KDM4C: variants seen among roughly 807,000 people sequenced by gnomAD.
KDM4C encodes lysine demethylase 4C.
In KDM4C, 81 loss-of-function variants were observed where a neutral mutation model predicts 129.3. The ratio of observed to expected loss-of-function variants is 0.63; its 90% CI spans 0.52 to 0.75. The LOEUF (loss-of-function observed/expected upper bound fraction) is 0.75, where lower values mean the gene tolerates loss of function less well. Ranked by LOEUF, KDM4C falls within the 30% of genes least tolerant of loss-of-function variation. The probability of loss-of-function intolerance (pLI) is 0.00; values close to 1 mark genes in which losing one functional copy is unlikely to be tolerated. For synonymous variants in KDM4C, 573 were observed against 456.1 expected, an observed-to-expected ratio of 1.26 and a Z score of -3.26; for missense variants, 1,457 against 1,304.0, an observed-to-expected ratio of 1.12 and a Z score of -1.81.
chr9:6,865,988 T>C (rs1040991857), intron 5 of KDM4C, among the ~76,000 whole-genome samples: 9 of 151,928 alleles, frequency 5.9e-5, no homozygotes, highest in Admixed American at 2.0e-4. Flanking sequence ...CTCCTGACCT[T>C]GTGATCCGCC....
At chr9:6,981,148 T>C in intron 9 of KDM4C, 30 bp downstream of exon 9, 1 of 1,552,776 alleles carries the variant, frequency 6.4e-7, no homozygotes, top group Non-Finnish European at 8.7e-7. Context: ...CTGACCTGCC[T>C]TGCCTGTCGT....
chr9:6,904,113 C>T (rs1817877314), intron 8 of KDM4C, among the ~76,000 whole-genome samples: 1 of 151,982 alleles, frequency 6.6e-6, no homozygotes, highest in African/African-American at 2.4e-5. Context: ...GTGGTGGGTA[C>T]ATGTAATCCC....
At chr9:6,785,795 G>T (rs1029035932) in intron 1 of KDM4C, among the ~76,000 whole-genome samples, 3 of 152,196 alleles carry the variant, frequency 2.0e-5, no homozygotes, top group Non-Finnish European at 4.4e-5. Flanking sequence ...CTTTTGGGGG[G>T]ACACAAGTCA....
At chr9:6,804,555 C>T (rs189502197) in intron 2 of KDM4C, among the ~76,000 whole-genome samples, 1 of 151,932 alleles carries the variant, frequency 6.6e-6, no homozygotes, top group East Asian at 1.9e-4. Context: ...GTCAGGAGTT[C>T]AAGACCATCC....
At chr9:7,032,033 C>T (rs1358338101) in intron 15 of KDM4C, among the ~76,000 whole-genome samples, 2 of 152,192 alleles carry the variant, frequency 1.3e-5, no homozygotes, top group South Asian at 2.1e-4. Context: ...CAATTCATGT[C>T]TTAGAAAACT....
chr9:6,872,377 T>C (rs945945716), intron 5 of KDM4C, among the ~76,000 whole-genome samples: 5 of 152,204 alleles, frequency 3.3e-5, no homozygotes, highest in Non-Finnish European at 7.3e-5. Flanking sequence ...TGTAAATGTC[T>C]ATTAGGTCCA....
chr9:6,949,735 A>G (rs138361038), intron 8 of KDM4C, among the ~76,000 whole-genome samples: 30 of 152,206 alleles, frequency 2.0e-4, no homozygotes, highest in African/African-American at 5.3e-4. Flanking sequence ...GCAGGCACTC[A>G]GCAGGCTGAG....
At chr9:6,741,469 G>C (rs190673876) in intron 1 of KDM4C, among the ~76,000 whole-genome samples, 1 of 151,934 alleles carries the variant, frequency 6.6e-6, no homozygotes, top group Non-Finnish European at 1.5e-5. Context: ...CTATTTACTC[G>C]GGTATTTAGC....
intron 1 of KDM4C, among the ~76,000 whole-genome samples, chr9:6,787,475 T>C (rs1416556031): frequency 6.6e-6 from 1 of 152,250 alleles, no homozygotes; most frequent in Non-Finnish European, 1.5e-5. Flanking sequence ...TCAGGTCATC[T>C]GCCTGCCTAG....
In KDM4C at chr9:6,868,514, GAT is replaced by G. The variant is rs1457387585; in HGVS notation, c.630-11494_630-11493del. 4.6e-5 allele frequency among the ~76,000 whole-genome samples: 7 copies of G among 152,238 alleles called. No homozygotes were observed. The East Asian group carries it at 1.4e-3, about 29-fold the overall frequency. On this transcript the variant is annotated intron_variant, in intron 5 of 21. Coordinates refer to ENST00000381309, the MANE Select transcript of KDM4C (RefSeq NM_015061.6). Reference sequence around the variant, plus strand: ...AAAACCTGTGGCTGCTCACGTCCCTGATATAAAGTGCGTGGTAGTTACCCATG... The same window carrying G: ...AAAACCTGTGGCTGCTCACGTCCCTGATAAAGTGCGTGGTAGTTACCCATG...
intron 19 of KDM4C, among the ~76,000 whole-genome samples, chr9:7,164,136 C>T (rs532530902): frequency 2.1e-4 from 32 of 152,322 alleles, no homozygotes; most frequent in Non-Finnish European, 3.2e-4. Flanking sequence ...GTGTGCATTT[C>T]ATTCAGATTG....
intron 8 of KDM4C, among the ~76,000 whole-genome samples, chr9:6,910,533 C>A (rs1272742860): frequency 2.6e-5 from 4 of 152,170 alleles, no homozygotes; most frequent in African/African-American, 9.6e-5. Context: ...TAAATATAAT[C>A]TCATTAGTAG....
intron 8 of KDM4C, among the ~76,000 whole-genome samples, chr9:6,927,744 C>T (rs140373248): frequency 2.0e-5 from 3 of 152,170 alleles, no homozygotes; most frequent in African/African-American, 7.2e-5. Context: ...TCAGTTCCCA[C>T]CCTGTTAGCC....
In KDM4C at chr9:6,887,985, G is replaced by C. The variant is rs1845546011; in HGVS notation, c.705G>C (p.Gly235=). The C allele has an allele frequency of 6.2e-7, 1 of 1,611,100 alleles. No individual in the cohort carries two copies. Among genetic ancestry groups the C allele is most frequent in the South Asian group, 1.1e-5 (1 of 90,990 alleles). Residue 235 remains glycine, a synonymous_variant, in exon 7 of 22, where the codon GGG becomes GGC. Coordinates refer to ENST00000381309, the MANE Select transcript of KDM4C (RefSeq NM_015061.6). The stretch of plus-strand genomic sequence containing the variant: ...GTTTTTTCCCAAGCAGCTCCCAAGG[G>C]TGTGATGCATTTCTTCGCCACAAGA... ...AQGFFPSSSQ[G]CDAFLRHKMT...
At chr9:6,823,533 A>G (rs1207865446) in intron 4 of KDM4C, among the ~76,000 whole-genome samples, 39 of 152,102 alleles carry the variant, frequency 2.6e-4, no homozygotes, top group Non-Finnish European at 1.0e-4. Context: ...CTGCTATCTC[A>G]CACTGTTGTT....
intron 18 of KDM4C, among the ~76,000 whole-genome samples, chr9:7,120,184 C>T (rs1391108527): frequency 6.6e-6 from 1 of 151,230 alleles, no homozygotes; most frequent in African/African-American, 2.4e-5. Context: ...TGGATTTTCT[C>T]AATGCTAACT....
chr9:6,856,578 G>A (rs552450886), intron 5 of KDM4C, among the ~76,000 whole-genome samples: 1,910 of 132,462 alleles, frequency 0.014, 54 homozygotes, highest in African/African-American at 0.05. Context: ...GTGTGTGTGT[G>A]TGTATTTTTT....
chr9:6,814,678 A>C lies in KDM4C; in HGVS notation c.368A>C (p.Tyr123Ser). The C allele has an allele frequency of 6.2e-7, 1 of 1,611,708 alleles. No homozygotes were observed. The highest frequency in any genetic ancestry group is 8.5e-7 in the Non-Finnish European group (1 of 1,178,846). Residue 123 changes from tyrosine (Y) to serine (S), a missense_variant, in exon 4 of 22, where the codon TAC (tyrosine) becomes TCC (serine). Transcript: ENST00000381309. ...YLDYEDLERKYWKNLTFVAPI... is the reference protein window; with the variant it reads ...YLDYEDLERKSWKNLTFVAPI... ...GATTACGAAGATTTGGAGCGCAAGT[A>C]CTGGAAGAACTTAACTTTTGTGGCA...
chr9:6,823,760 C>A (rs749212339), intron 4 of KDM4C, among the ~76,000 whole-genome samples: 7 of 152,168 alleles, frequency 4.6e-5, no homozygotes, highest in Non-Finnish European at 1.0e-4. Flanking sequence ...CATGGTGAAG[C>A]TCTTCAGGAG....
Sources: allele counts gnomAD v4.1 joint callset (sites outside exome capture counted in the v4.1 genomes callset), GRCh38; gene constraint gnomAD v4.1.1; transcripts MANE v1.5; gene names NCBI Gene and HGNC (gene_info 2026-07-23, HGNC 2026-07-21).